Variants in VAV3 observed in about 807,000 individuals in gnomAD.
The protein encoded by VAV3 is guanine nucleotide exchange factor VAV3.
A neutral mutation model predicts 131.2 loss-of-function variants in VAV3; 94 were observed. That is an observed-to-expected ratio of 0.72 (90% CI 0.61 to 0.85). The LOEUF (loss-of-function observed/expected upper bound fraction) is 0.85, where lower values mean the gene tolerates loss of function less well. Among genes scored for constraint, VAV3 ranks in the 40% least tolerant of loss-of-function variants. The pLI, the probability that VAV3 is intolerant of heterozygous loss-of-function variation, is 0.00. For synonymous variants in VAV3, 349 were observed against 342.0 expected (o/e 1.02, Z -0.22); for missense variants, 939 against 1,002.7 (o/e 0.94, Z 0.86).
intron 20 of VAV3, among the ~76,000 whole-genome samples, chr1:107,618,269 T>C (rs749566076): frequency 6.6e-6 from 1 of 152,190 alleles, no homozygotes; most frequent in Non-Finnish European, 1.5e-5. Context: ...CACCTTTATA[T>C]TCATTGGCAT....
intron 12 of VAV3, among the ~76,000 whole-genome samples, chr1:107,753,389 T>C (rs767515676): frequency 2.0e-5 from 3 of 151,422 alleles, no homozygotes; most frequent in Non-Finnish European, 2.9e-5. Context: ...TCACACAACA[T>C]CATGAATGCA....
intron 1 of VAV3, 104 bp downstream of exon 1, chr1:107,964,562 G>A (rs1675323773): frequency 7.7e-7 from 1 of 1,302,218 alleles, no homozygotes; most frequent in Non-Finnish European, 1.1e-6. Context: ...GGGAAGCAGG[G>A]CAAGCTCAGC....
intron 2 of VAV3, among the ~76,000 whole-genome samples, chr1:107,787,737 A>T (rs1666088609): frequency 1.3e-5 from 2 of 152,142 alleles, no homozygotes; most frequent in Admixed American, 6.5e-5. Flanking sequence ...TTCTTATTTG[A>T]TTAAAAGTGG....
chr1:107,958,907 T>A (rs965037320), intron 1 of VAV3, among the ~76,000 whole-genome samples: 6 of 152,018 alleles, frequency 3.9e-5, no homozygotes, highest in Admixed American at 6.6e-5. Flanking sequence ...TATGAGAAAA[T>A]CTGTCCATCT....
Position 107,683,545 on chromosome 1 carries a change from A to G in VAV3, c.1732-12T>C. 6.2e-7 allele frequency: 1 copy of G among 1,613,564 alleles called. No homozygotes were observed. The highest frequency in any genetic ancestry group is 8.5e-7 in the Non-Finnish European group (1 of 1,179,532). ...CCATTGGTCCGTTTCTGTGCAGTAAAGTAAAACAAAGCAAAACAAATATGT... is the reference window on the plus strand; with the variant it reads ...CCATTGGTCCGTTTCTGTGCAGTAAGGTAAAACAAAGCAAAACAAATATGT... On this transcript the variant is annotated splice_polypyrimidine_tract_variant and intron_variant, in intron 18 of 26. Transcript: ENST00000370056.
At chr1:107,944,848 C>T (rs796643555) in intron 1 of VAV3, among the ~76,000 whole-genome samples, 34 of 152,256 alleles carry the variant, frequency 2.2e-4, no homozygotes, top group Non-Finnish European at 2.5e-4. Context: ...TCTGGCAATC[C>T]GCCCGCCTCG....
At chr1:107,773,499 G>A (rs978979213) in intron 4 of VAV3, among the ~76,000 whole-genome samples, 1 of 152,148 alleles carries the variant, frequency 6.6e-6, no homozygotes, top group African/African-American at 2.4e-5. Context: ...AAACCCACCA[G>A]TCCCCCATCA....
At chr1:107,646,146 G>T (rs1403520243) in intron 19 of VAV3, among the ~76,000 whole-genome samples, 1 of 152,058 alleles carries the variant, frequency 6.6e-6, no homozygotes. Flanking sequence ...GGATGCTGAG[G>T]TGCAAAGTAG....
rs140642429 is a variant in VAV3, at chr1:107,717,754, C to T, written c.1503-12693G>A. On this transcript the variant is annotated intron_variant, in intron 15 of 26. Coordinates refer to ENST00000370056, the MANE Select transcript of VAV3 (RefSeq NM_006113.5). ...AGAGTTCTGTAGATGTCTATTAGGT[C>T]GGCTTAGTGCATTGCTGAGTTCAAG... 3.3e-3 allele frequency among the ~76,000 whole-genome samples: 497 copies of T among 152,232 alleles called. 1 individual carries two copies. Among genetic ancestry groups the T allele is most frequent in the Non-Finnish European group, 5.1e-3 (345 of 68,014 alleles).
intron 2 of VAV3, among the ~76,000 whole-genome samples, chr1:107,844,530 G>A (rs1032934810): frequency 3.3e-5 from 5 of 152,148 alleles, no homozygotes; most frequent in African/African-American, 1.2e-4. Context: ...TTGCTCATCA[G>A]ATCCCCTGCC....
At chr1:107,717,094 T>C (rs1661147463) in intron 15 of VAV3, among the ~76,000 whole-genome samples, 1 of 152,208 alleles carries the variant, frequency 6.6e-6, no homozygotes, top group Non-Finnish European at 1.5e-5. Context: ...ATCCCCTTTA[T>C]CATTTTTATT....
intron 1 of VAV3, among the ~76,000 whole-genome samples, chr1:107,894,113 T>C (rs1671455591): frequency 6.6e-6 from 1 of 152,240 alleles, no homozygotes; most frequent in African/African-American, 2.4e-5. Flanking sequence ...TCCTTGTAAA[T>C]AGTTAAATTA....
intron 19 of VAV3, among the ~76,000 whole-genome samples, chr1:107,679,056 T>C (rs1327568831): frequency 6.6e-6 from 1 of 152,180 alleles, no homozygotes; most frequent in Non-Finnish European, 1.5e-5. Flanking sequence ...ATGACAATCC[T>C]GTGCTTAATG....
At chr1:107,932,101 TC>T (rs757747868) in intron 1 of VAV3, among the ~76,000 whole-genome samples, 15 of 152,230 alleles carry the variant, frequency 9.9e-5, no homozygotes, top group Non-Finnish European at 2.1e-4. Context: ...ACTTGTGTTT[TC>T]CCCGGCTTCA....
intron 20 of VAV3, among the ~76,000 whole-genome samples, chr1:107,622,552 C>G (rs1263787848): frequency 6.6e-6 from 1 of 152,104 alleles, no homozygotes; most frequent in Non-Finnish European, 1.5e-5. Context: ...TGGATTGGAG[C>G]CTTAATGCAC....
intron 1 of VAV3, among the ~76,000 whole-genome samples, chr1:107,919,171 G>C (rs551383340): frequency 6.6e-6 from 1 of 152,180 alleles, no homozygotes; most frequent in African/African-American, 2.4e-5. Flanking sequence ...TTTACCTTTA[G>C]ATGACAATAT....
At chr1:107,889,711 C>G (rs1002609653) in intron 1 of VAV3, among the ~76,000 whole-genome samples, 12 of 152,090 alleles carry the variant, frequency 7.9e-5, no homozygotes, top group Admixed American at 3.9e-4. Context: ...TAAATACCTA[C>G]TTAGAGAGGT....
At chr1:107,634,997 T>C (rs1570654933) in intron 20 of VAV3, among the ~76,000 whole-genome samples, 1 of 151,044 alleles carries the variant, frequency 6.6e-6, no homozygotes. Context: ...TGTGGAGAAA[T>C]AGGAACACTT....
At chr1:107,951,327 T>C (rs1674521185) in intron 1 of VAV3, among the ~76,000 whole-genome samples, 1 of 152,222 alleles carries the variant, frequency 6.6e-6, no homozygotes, top group African/African-American at 2.4e-5. Flanking sequence ...ACTTTATTTC[T>C]GCATTCTTGC....
Sources: allele counts gnomAD v4.1 joint callset (sites outside exome capture counted in the v4.1 genomes callset), GRCh38; gene constraint gnomAD v4.1.1; transcripts MANE v1.5; gene names NCBI Gene and HGNC (gene_info 2026-07-23, HGNC 2026-07-21).